Variants in KLHL20 observed in about 807,000 individuals in gnomAD.
KLHL20 encodes kelch-like protein 20.
Under a neutral mutation model 69.5 loss-of-function variants are expected in KLHL20, and 29 were observed. The observed-to-expected ratio is 0.42, with a 90% CI of 0.31 to 0.57. The LOEUF (loss-of-function observed/expected upper bound fraction) is 0.57, where lower values mean the gene tolerates loss of function less well. Among genes scored for constraint, KLHL20 ranks in the 20% least tolerant of loss-of-function variants. The pLI is 0.18. For missense variants in KLHL20, 419 were observed against 776.0 expected (o/e 0.54, Z 5.47); for synonymous variants, 253 against 265.2 (o/e 0.95, Z 0.45).
chr1:173,767,049 C>T (rs1335499100), intron 8 of KLHL20, among the ~76,000 whole-genome samples: 1 of 152,140 alleles, frequency 6.6e-6, no homozygotes, highest in African/African-American at 2.4e-5. Context: ...ACCAAGATTT[C>T]CTCACTGCCC....
chr1:173,764,167 C>A (rs1250781956), intron 7 of KLHL20, among the ~76,000 whole-genome samples: 3 of 152,168 alleles, frequency 2.0e-5, no homozygotes. Context: ...ATGAAAACCA[C>A]AATGCGATAC....
chr1:173,749,671 C>T (rs1346258812), intron 3 of KLHL20, among the ~76,000 whole-genome samples: 2 of 152,132 alleles, frequency 1.3e-5, no homozygotes, highest in African/African-American at 2.4e-5. Context: ...TCTTGCGTTT[C>T]CATTAAATGA....
chr1:173,771,314 G>C (rs1185389802), intron 8 of KLHL20, among the ~76,000 whole-genome samples: 1 of 152,180 alleles, frequency 6.6e-6, no homozygotes, highest in Non-Finnish European at 1.5e-5. Context: ...CAAGGTGGGA[G>C]GATCGCTTGA....
chr1:173,755,159 A>G (rs1558206550), intron 5 of KLHL20, among the ~76,000 whole-genome samples: 4 of 151,456 alleles, frequency 2.6e-5, no homozygotes, highest in Admixed American at 1.3e-4. Context: ...CCCAAGTTCA[A>G]CCGATTCTCC....
chr1:173,728,876 T>A (rs1672112177), intron 2 of KLHL20, among the ~76,000 whole-genome samples: 1 of 151,880 alleles, frequency 6.6e-6, no homozygotes, highest in South Asian at 2.1e-4. Flanking sequence ...ATAACTAAGA[T>A]CAGAGCAGAA....
chr1:173,777,823 T>A (rs551315251), intron 10 of KLHL20, among the ~76,000 whole-genome samples: 2 of 152,340 alleles, frequency 1.3e-5, no homozygotes, highest in African/African-American at 4.8e-5. Context: ...TGGGATTTTG[T>A]TGAAGATTTT....
rs558187555 is a variant in KLHL20 at position 173,726,146 on chromosome 1, T to C, written c.24-7567T>C. Among the ~76,000 whole-genome samples the C allele has an allele frequency of 7.8e-4, 119 of 152,160 alleles. 1 individual carries two copies. Among genetic ancestry groups the C allele is most frequent in the African/African-American group, 2.8e-3 (116 of 41,530 alleles). Reference sequence around the variant, plus strand: ...TCCTACGCCCACAGAGCCTCACTCATTGCTAGCACAGCAGTCTGAGATCAC... The same window carrying C: ...TCCTACGCCCACAGAGCCTCACTCACTGCTAGCACAGCAGTCTGAGATCAC... On this transcript the variant is annotated intron_variant, in intron 2 of 11. Transcript: ENST00000209884.
At position 173,777,395 on chromosome 1, in the gene KLHL20, C is replaced by CCTTT. The variant is rs1304534935; in HGVS notation, c.1638+1566_1638+1569dup. On this transcript the variant is annotated intron_variant, in intron 10 of 11. Transcript: ENST00000209884. ...ACTTCTTCCTTTCCAATTTGGATGC[C>CCTTT]CTTTCTTTCTTTCTTTTGTCCCATT... Among the ~76,000 whole-genome samples, 6 of 151,910 alleles carry CCTTT rather than the reference C, an allele frequency of 3.9e-5. No individual in the cohort carries two copies. The East Asian group carries it at 5.8e-4, about 15-fold the overall frequency.
chr1:173,762,984 C>G (rs980673317), intron 7 of KLHL20, among the ~76,000 whole-genome samples: 2 of 148,588 alleles, frequency 1.3e-5, no homozygotes, highest in Non-Finnish European at 3.0e-5. Flanking sequence ...ATCCTAAGGA[C>G]TCCTCTAGAA....
chr1:173,778,193 G>A (rs1453516551), intron 10 of KLHL20, among the ~76,000 whole-genome samples: 3 of 151,958 alleles, frequency 2.0e-5, no homozygotes, highest in African/African-American at 7.3e-5. Flanking sequence ...TTTACATTAG[G>A]TATTTCTCCT....
chr1:173,718,612 C>T (rs1175202202), intron 2 of KLHL20, among the ~76,000 whole-genome samples: 2 of 151,820 alleles, frequency 1.3e-5, no homozygotes, highest in Non-Finnish European at 2.9e-5. Context: ...CCCAGCTACC[C>T]AGCTACTTAG....
intron 7 of KLHL20, among the ~76,000 whole-genome samples, chr1:173,763,065 T>C (rs556837535): frequency 2.0e-5 from 3 of 152,116 alleles, no homozygotes; most frequent in Non-Finnish European, 4.4e-5. Flanking sequence ...AATCAGTAGC[T>C]CTTCTATACA....
chr1:173,762,086 A>G (rs1293679675), intron 7 of KLHL20, among the ~76,000 whole-genome samples: 3 of 152,206 alleles, frequency 2.0e-5, no homozygotes, highest in South Asian at 2.1e-4. Flanking sequence ...CAAGGCTACT[A>G]TGAACACCTT....
chr1:173,770,507 G>C (rs901375946), intron 8 of KLHL20, among the ~76,000 whole-genome samples: 1 of 152,070 alleles, frequency 6.6e-6, no homozygotes, highest in Non-Finnish European at 1.5e-5. Flanking sequence ...AGACCAGCCT[G>C]ACTAACATGG....
rs556027555 is a variant in KLHL20 at position 173,739,921 on chromosome 1, G to A, written c.597+5635G>A. On this transcript the variant is annotated intron_variant, in intron 3 of 11. Coordinates refer to ENST00000209884, the MANE Select transcript of KLHL20 (RefSeq NM_014458.4). ...GTCCCAAAGTGTTGGGATTACAGGCGTGAGCCACCACGCCCAGCCCCATTT... is the reference window on the plus strand; with the variant it reads ...GTCCCAAAGTGTTGGGATTACAGGCATGAGCCACCACGCCCAGCCCCATTT... Among the ~76,000 whole-genome samples the A allele has an allele frequency of 5.9e-5, 9 of 151,530 alleles. No individual in the cohort carries two copies. In the East Asian group the frequency reaches 1.8e-3, roughly 30 times the overall value.
chr1:173,738,411 C>G (rs1244227031), intron 3 of KLHL20, among the ~76,000 whole-genome samples: 6 of 152,148 alleles, frequency 3.9e-5, no homozygotes, highest in Non-Finnish European at 8.8e-5. Flanking sequence ...CTCAGGCAAT[C>G]CACCTGCCTC....
chr1:173,742,531 G>A lies in KLHL20; in HGVS notation c.597+8245G>A, dbSNP rs550944313. 1.1e-4 allele frequency among the ~76,000 whole-genome samples: 17 copies of A among 152,142 alleles called. No homozygotes were observed. The South Asian group carries it at 3.3e-3, about 30-fold the overall frequency. The stretch of plus-strand genomic sequence containing the variant: ...TGGCAATGGTAACAGGGAATATTTA[G>A]AGAGGATAGAAGAAAAGAGCAAGCA... On this transcript the variant is annotated intron_variant, in intron 3 of 11. Transcript: ENST00000209884.
chr1:173,745,581 A>AT (rs1673021752), intron 3 of KLHL20, among the ~76,000 whole-genome samples: 1 of 151,986 alleles, frequency 6.6e-6, no homozygotes, highest in Non-Finnish European at 1.5e-5. Context: ...GCCTCACTGA[A>AT]TTTTTTAATT....
At chr1:173,722,050 A>G (rs1571847272) in intron 2 of KLHL20, among the ~76,000 whole-genome samples, 1 of 152,188 alleles carries the variant, frequency 6.6e-6, no homozygotes, top group Admixed American at 6.5e-5. Context: ...AAAGAAGTTT[A>G]TCTTGGCTTG....
Sources: allele counts gnomAD v4.1 joint callset (sites outside exome capture counted in the v4.1 genomes callset), GRCh38; gene constraint gnomAD v4.1.1; transcripts MANE v1.5; gene names NCBI Gene and HGNC (gene_info 2026-07-23, HGNC 2026-07-21).